The following CADM2 variants were observed in gnomAD, a reference collection of about 807,000 sequenced individuals.
CADM2 encodes the protein immunoglobulin superfamily member 4D.
Under a neutral mutation model 49.8 loss-of-function variants are expected in CADM2, and 12 were observed. The ratio of observed to expected loss-of-function variants is 0.24; its 90% confidence interval spans 0.15 to 0.39. The LOEUF is 0.39. Ranked by LOEUF, CADM2 falls within the 10% of genes least tolerant of loss-of-function variation. CADM2 has a pLI of 1.00. For missense variants in CADM2, 378 were observed against 492.3 expected (o/e 0.77, Z 2.20); for synonymous variants, 214 against 175.4 (o/e 1.22, Z -1.74).
intron 8 of CADM2, among the ~76,000 whole-genome samples, chr3:86,021,907 A>T (rs1489256019): frequency 4.6e-5 from 7 of 152,152 alleles, no homozygotes; most frequent in Non-Finnish European, 1.5e-5. Context: ...GATCTAATAC[A>T]CAACATGAGA....
intron 1 of CADM2, among the ~76,000 whole-genome samples, chr3:85,226,544 T>C (rs1046181283): frequency 3.3e-5 from 5 of 152,132 alleles, no homozygotes; most frequent in Non-Finnish European, 7.3e-5. Context: ...TAGTGGTCTA[T>C]TTTGTTGATC....
At chr3:85,002,866 G>T (rs1382742918) in intron 1 of CADM2, among the ~76,000 whole-genome samples, 1 of 151,976 alleles carries the variant, frequency 6.6e-6, no homozygotes, top group Non-Finnish European at 1.5e-5. Context: ...GCTCACTATA[G>T]CCTTGAACTC....
chr3:85,960,985 A>G (rs933875992), intron 7 of CADM2, among the ~76,000 whole-genome samples: 54 of 147,286 alleles, frequency 3.7e-4, no homozygotes, highest in African/African-American at 1.3e-3. Context: ...TATTTATTAT[A>G]ATAAGTATTA....
intron 1 of CADM2, among the ~76,000 whole-genome samples, chr3:85,663,108 A>G (rs533163617): frequency 1.3e-4 from 20 of 152,170 alleles, no homozygotes; most frequent in South Asian, 8.3e-4. Flanking sequence ...ATTAGAATCC[A>G]GAGACCAGCT....
intron 3 of CADM2, among the ~76,000 whole-genome samples, chr3:85,843,331 T>C (rs540316602): frequency 6.6e-6 from 1 of 152,196 alleles, no homozygotes; most frequent in South Asian, 2.1e-4. Flanking sequence ...CTTAGTAATG[T>C]ATCTTTGTCT....
chr3:85,664,751 G>C (rs985970599), intron 1 of CADM2, among the ~76,000 whole-genome samples: 2 of 151,832 alleles, frequency 1.3e-5, no homozygotes, highest in Non-Finnish European at 2.9e-5. Context: ...AGAGTCCTTA[G>C]ATCAGACATT....
chr3:86,066,622 C>A, intron 9 of CADM2, 43 bp from the exon 10 acceptor site: 1 of 1,392,168 alleles, frequency 7.2e-7, no homozygotes, highest in Non-Finnish European at 1.0e-6. Context: ...GGGTATTTTA[C>A]CAGTCTCACA....
At chr3:85,504,215 C>T (rs1421605774) in intron 1 of CADM2, among the ~76,000 whole-genome samples, 2 of 151,886 alleles carry the variant, frequency 1.3e-5, no homozygotes, top group African/African-American at 4.8e-5. Flanking sequence ...AGCTGCAGAC[C>T]TTCGCGGTGA....
intron 6 of CADM2, among the ~76,000 whole-genome samples, chr3:85,919,414 G>A (rs1718806541): frequency 6.6e-6 from 1 of 151,756 alleles, no homozygotes. Context: ...AGGATGAGAG[G>A]AAAATAAGCT....
chr3:85,714,072 C>G (rs2067202892), intron 1 of CADM2, among the ~76,000 whole-genome samples: 1 of 152,184 alleles, frequency 6.6e-6, no homozygotes, highest in Admixed American at 6.5e-5. Flanking sequence ...CTTACACATA[C>G]AGAAACTTGC....
chr3:85,171,267 A>G (rs2040618304), intron 1 of CADM2, among the ~76,000 whole-genome samples: 1 of 152,204 alleles, frequency 6.6e-6, no homozygotes, highest in African/African-American at 2.4e-5. Context: ...TTCAATATCC[A>G]CTATAAGGTG....
chr3:85,830,944 T>C (rs1049010301), intron 3 of CADM2, among the ~76,000 whole-genome samples: 2 of 151,720 alleles, frequency 1.3e-5, no homozygotes, highest in Non-Finnish European at 1.5e-5. Flanking sequence ...TCTCCCAAGT[T>C]GTGAGCATAG....
At chr3:85,113,395 A>C (rs1047973292) in intron 1 of CADM2, among the ~76,000 whole-genome samples, 3 of 152,096 alleles carry the variant, frequency 2.0e-5, no homozygotes, top group Non-Finnish European at 2.9e-5. Context: ...AAGTACATAA[A>C]ATGCCTGAGA....
At chr3:85,212,862 C>CTTTCTTTCT (rs2041822836) in intron 1 of CADM2, among the ~76,000 whole-genome samples, 1 of 125,568 alleles carries the variant, frequency 8.0e-6, no homozygotes, top group Non-Finnish European at 1.6e-5. Flanking sequence ...TTCTTTCTTT[C>CTTTCTTTCT]TTTCTTTCTT....
At chr3:85,989,680 T>C (rs1041416577) in intron 8 of CADM2, among the ~76,000 whole-genome samples, 2 of 152,050 alleles carry the variant, frequency 1.3e-5, no homozygotes, top group Non-Finnish European at 2.9e-5. Context: ...ATTTTAGTTT[T>C]TCATTTCTCC....
At chr3:85,063,002 G>C (rs989848020) in intron 1 of CADM2, among the ~76,000 whole-genome samples, 3 of 151,906 alleles carry the variant, frequency 2.0e-5, no homozygotes, top group Non-Finnish European at 4.4e-5. Flanking sequence ...AGTTGAATCA[G>C]TAACACAGTT....
At chr3:85,653,264 G>A (rs1236294721) in intron 1 of CADM2, among the ~76,000 whole-genome samples, 1 of 149,496 alleles carries the variant, frequency 6.7e-6, no homozygotes, top group Non-Finnish European at 1.5e-5. Flanking sequence ...GGAGCCATAG[G>A]AGGGATTTAA....
chr3:85,902,084 A>G lies in CADM2; in HGVS notation c.530-10289A>G, dbSNP rs185775517. ...GGGGCTTTTATTTTAAAACTCTGCT[A>G]TAAAAATTTAGGTGCCAGGTTTTGT... On this transcript the variant is annotated intron_variant, in intron 5 of 9. Coordinates refer to ENST00000383699, the MANE Select transcript of CADM2 (RefSeq NM_001167675.2). Among the ~76,000 whole-genome samples, 10 of 152,234 alleles carry G rather than the reference A, an allele frequency of 6.6e-5. No homozygotes were observed. In the East Asian group the frequency reaches 1.7e-3, roughly 26 times the overall value.
At chr3:85,730,388 G>A (rs1323193415) in intron 2 of CADM2, among the ~76,000 whole-genome samples, 1 of 151,994 alleles carries the variant, frequency 6.6e-6, no homozygotes, top group African/African-American at 2.4e-5. Flanking sequence ...CCTGCAGTGA[G>A]CTGAGATTCT....
Sources: gnomAD v4.1 joint callset for allele counts (sites outside exome capture counted in the v4.1 genomes callset) on GRCh38, gnomAD v4.1.1 for gene constraint, MANE v1.5 for transcripts, NCBI Gene and HGNC (gene_info 2026-07-23, HGNC 2026-07-21) for gene names.